Variants in DAB1 observed in about 807,000 individuals in gnomAD.
The protein encoded by DAB1 is disabled homolog 1.
DAB1 carries 15 observed loss-of-function variants against 64.6 expected under a neutral mutation model. The observed-to-expected ratio is 0.23, with a 90% CI of 0.16 to 0.36. The LOEUF (loss-of-function observed/expected upper bound fraction) is 0.36, where lower values mean the gene tolerates loss of function less well. DAB1 is among the 10% of genes least tolerant of loss of function. DAB1 has a pLI of 1.00. For synonymous variants in DAB1, 235 were observed against 251.9 expected, an observed-to-expected ratio of 0.93 and a Z score of 0.64; for missense variants, 596 against 706.7, an observed-to-expected ratio of 0.84 and a Z score of 1.78.
intron 5 of DAB1, among the ~76,000 whole-genome samples, chr1:58,028,258 C>T (rs1041985628): frequency 6.6e-6 from 1 of 152,210 alleles, no homozygotes; most frequent in African/African-American, 2.4e-5. Flanking sequence ...CTGGTCAAAA[C>T]ATTTTCATCA....
chr1:57,435,781 A>G (rs1685671712), intron 7 of DAB1, among the ~76,000 whole-genome samples: 1 of 152,192 alleles, frequency 6.6e-6, no homozygotes, highest in Admixed American at 6.5e-5. Context: ...ACTTTTTTAT[A>G]TAAGTAGAAA....
At chr1:57,745,957 T>C (rs773192435) in intron 6 of DAB1, among the ~76,000 whole-genome samples, 15 of 152,214 alleles carry the variant, frequency 9.9e-5, no homozygotes, top group African/African-American at 1.7e-4. Flanking sequence ...TGAACAGTAT[T>C]ATACTGTACA....
chr1:58,112,110 A>G (rs1209261370), intron 5 of DAB1, among the ~76,000 whole-genome samples: 4 of 151,972 alleles, frequency 2.6e-5, no homozygotes, highest in Non-Finnish European at 4.4e-5. Context: ...CCCTCATGTC[A>G]CTGTCACCCT....
intron 7 of DAB1, among the ~76,000 whole-genome samples, chr1:57,532,775 AGAATTGT>A (rs1187326338): frequency 6.6e-6 from 1 of 152,196 alleles, no homozygotes; most frequent in Non-Finnish European, 1.5e-5. Flanking sequence ...TCCACCTTGT[AGAATTGT>A]GAGAGAAAAT....
intron 1 of DAB1, among the ~76,000 whole-genome samples, chr1:57,313,005 G>A (rs1271471338): frequency 6.6e-6 from 1 of 152,070 alleles, no homozygotes; most frequent in African/African-American, 2.4e-5. Context: ...ACTTGCTCAG[G>A]AATCCTGGGA....
At chr1:57,338,960 C>T (rs561205915) in intron 1 of DAB1, among the ~76,000 whole-genome samples, 1 of 152,068 alleles carries the variant, frequency 6.6e-6, no homozygotes, top group Non-Finnish European at 1.5e-5. Context: ...TTTTTTAAGC[C>T]TTTGCTCCCT....
chr1:57,976,451 C>T (rs960532456), intron 5 of DAB1, among the ~76,000 whole-genome samples: 1 of 152,132 alleles, frequency 6.6e-6, no homozygotes, highest in African/African-American at 2.4e-5. Flanking sequence ...GCAATGACAC[C>T]AAGCCTGTTT....
At chr1:58,083,359 C>T (rs1230778961) in intron 5 of DAB1, among the ~76,000 whole-genome samples, 1 of 152,216 alleles carries the variant, frequency 6.6e-6, no homozygotes, top group Non-Finnish European at 1.5e-5. Context: ...GCATTTCAGT[C>T]TTTCTACTCA....
At chr1:58,024,521 T>C (rs1174148987) in intron 5 of DAB1, among the ~76,000 whole-genome samples, 1 of 152,220 alleles carries the variant, frequency 6.6e-6, no homozygotes, top group Non-Finnish European at 1.5e-5. Context: ...TTGCAAACAT[T>C]CTATACACCC....
intron 5 of DAB1, among the ~76,000 whole-genome samples, chr1:58,113,343 C>G (rs929430827): frequency 1.3e-5 from 2 of 152,208 alleles, no homozygotes; most frequent in Middle Eastern, 3.4e-3. Flanking sequence ...GTTTGGGCAA[C>G]CTGGTGGCTC....
chr1:57,422,741 A>T (rs1269783031), intron 1 of DAB1, among the ~76,000 whole-genome samples: 1 of 152,190 alleles, frequency 6.6e-6, no homozygotes, highest in Non-Finnish European at 1.5e-5. Context: ...GGTAGTTCAC[A>T]CGGAGTGAAA....
intron 1 of DAB1, among the ~76,000 whole-genome samples, chr1:57,392,978 G>A (rs535830605): frequency 3.3e-5 from 5 of 152,280 alleles, no homozygotes; most frequent in African/African-American, 7.2e-5. Context: ...AGTCGGCCCC[G>A]GCTCCACATT....
At chr1:57,886,208 C>T (rs1644219599), upstream of DAB1, among the ~76,000 whole-genome samples, 1 of 150,688 alleles carries the variant, frequency 6.6e-6, no homozygotes, top group African/African-American at 2.5e-5. Flanking sequence ...CTCCATCAAC[C>T]AGTGCAGAGG....
At chr1:58,055,882 G>GTTATTATTATTA (rs71246205) in intron 5 of DAB1, among the ~76,000 whole-genome samples, 2,380 of 147,674 alleles carry the variant, frequency 0.016, 32 homozygotes, top group South Asian at 0.076. Context: ...ATCACACCGA[G>GTTATTATTATTA]TTATTATTAT....
At chr1:58,008,170 T>C (rs1646614242) in intron 5 of DAB1, among the ~76,000 whole-genome samples, 1 of 152,176 alleles carries the variant, frequency 6.6e-6, no homozygotes, top group South Asian at 2.1e-4. Context: ...ATAAGAAATC[T>C]GAAGTTCAGA....
chr1:57,499,781 T>G (rs950171304), intron 7 of DAB1, among the ~76,000 whole-genome samples: 2 of 152,210 alleles, frequency 1.3e-5, no homozygotes, highest in Non-Finnish European at 2.9e-5. Context: ...TCATTCATTC[T>G]TAATTCAAGT....
intron 3 of DAB1, among the ~76,000 whole-genome samples, chr1:58,386,730 GCTGTC>G (rs1644435843): frequency 1.3e-5 from 2 of 152,162 alleles, no homozygotes; most frequent in African/African-American, 2.4e-5. Context: ...CTTTTAGAAG[GCTGTC>G]ATACAGATCA....
At chr1:57,855,261 A>G (rs13375506) in intron 1 of DAB1, among the ~76,000 whole-genome samples, 3,959 of 152,218 alleles carry the variant, frequency 0.026, 161 homozygotes, top group African/African-American at 0.091. Flanking sequence ...GTGTTTTCCA[A>G]ATATGATCTT....
intron 6 of DAB1, among the ~76,000 whole-genome samples, chr1:57,698,987 G>C (rs1212040411): frequency 2.0e-5 from 3 of 152,124 alleles, no homozygotes; most frequent in Admixed American, 6.5e-5. Flanking sequence ...GCCCAGGCTA[G>C]AGTGCAATGG....
Sources: allele counts gnomAD v4.1 joint callset (sites outside exome capture counted in the v4.1 genomes callset), GRCh38; gene constraint gnomAD v4.1.1; transcripts MANE v1.5; gene names NCBI Gene and HGNC (gene_info 2026-07-23, HGNC 2026-07-21).